KCNN3: variants seen among roughly 807,000 people sequenced by gnomAD.
The protein encoded by KCNN3 is small conductance calcium-activated potassium channel protein 3.
KCNN3 carries 16 observed loss-of-function variants against 62.9 expected under a neutral mutation model. That is an observed-to-expected ratio of 0.25 (90% confidence interval 0.17 to 0.39). The LOEUF (loss-of-function observed/expected upper bound fraction) is 0.39, where lower values mean the gene tolerates loss of function less well. KCNN3 is among the 10% of genes least tolerant of loss of function. The pLI, the probability that KCNN3 is intolerant of heterozygous loss-of-function variation, is 1.00. For synonymous variants in KCNN3, 370 were observed against 389.2 expected, an observed-to-expected ratio of 0.95 and a Z score of 0.58; for missense variants, 599 against 949.4, an observed-to-expected ratio of 0.63 and a Z score of 4.85.
At chr1:154,755,749 G>T (rs568984605) in intron 3 of KCNN3, among the ~76,000 whole-genome samples, 1 of 142,264 alleles carries the variant, frequency 7.0e-6, no homozygotes, top group East Asian at 2.2e-4. Flanking sequence ...AGGCAAAGAA[G>T]AAGAAGGAGG....
intron 3 of KCNN3, among the ~76,000 whole-genome samples, chr1:154,771,102 A>G (rs1648539972): frequency 6.8e-6 from 1 of 146,186 alleles, no homozygotes; most frequent in African/African-American, 2.6e-5. Context: ...TAAATAAATA[A>G]ATAAATAAAA....
At chr1:154,716,151 C>A (rs1282122227) in intron 5 of KCNN3, among the ~76,000 whole-genome samples, 1 of 152,232 alleles carries the variant, frequency 6.6e-6, no homozygotes, top group Non-Finnish European at 1.5e-5. Context: ...ACTGATATCA[C>A]CAGGCTCATG....
intron 1 of KCNN3, 76 bp downstream of exon 1, chr1:154,868,956 C>T (rs1653068186): frequency 4.0e-6 from 5 of 1,255,198 alleles, no homozygotes; most frequent in Non-Finnish European, 5.8e-6. Flanking sequence ...CTCTCACAAT[C>T]CCCCTCTCTC....
At chr1:154,728,190 G>C (rs372885548) in intron 4 of KCNN3, among the ~76,000 whole-genome samples, 1 of 152,134 alleles carries the variant, frequency 6.6e-6, no homozygotes, top group Admixed American at 6.5e-5. Flanking sequence ...ATTGCAGGGG[G>C]GGCTTTTAAT....
intron 1 of KCNN3, among the ~76,000 whole-genome samples, chr1:154,823,144 C>T (rs1363436285): frequency 2.0e-5 from 3 of 152,232 alleles, no homozygotes; most frequent in African/African-American, 7.2e-5. Context: ...TTATCATTTA[C>T]TTTGCATCCT....
intron 5 of KCNN3, among the ~76,000 whole-genome samples, chr1:154,721,113 T>C (rs1021120297): frequency 4.6e-5 from 7 of 152,122 alleles, no homozygotes; most frequent in South Asian, 4.1e-4. Context: ...GGTGAGCTAC[T>C]TGGGGCAAGA....
rs774420746 is a variant in KCNN3, at chr1:154,733,159, A to T, written c.1449-15T>A. The T allele has an allele frequency of 1.4e-5, 22 of 1,614,194 alleles. No homozygotes were observed. Among genetic ancestry groups the T allele is most frequent in the Non-Finnish European group, 1.8e-5 (21 of 1,180,006 alleles). ...GGTCATGGTACCTGCCAATGGGAAG[A>T]CAGGAGTTAGTCGATGAACAGCCAT... On this transcript the variant is annotated splice_polypyrimidine_tract_variant and intron_variant, in intron 3 of 7. Transcript: ENST00000271915.
At chr1:154,855,372 C>A (rs1264637758) in intron 1 of KCNN3, among the ~76,000 whole-genome samples, 1 of 152,216 alleles carries the variant, frequency 6.6e-6, no homozygotes, top group Non-Finnish European at 1.5e-5. Flanking sequence ...TAGGCCCTCA[C>A]ATTCACTCTC....
intron 5 of KCNN3, among the ~76,000 whole-genome samples, chr1:154,720,742 T>C (rs2101774314): frequency 6.6e-6 from 1 of 152,240 alleles, no homozygotes; most frequent in East Asian, 1.9e-4. Flanking sequence ...AGGAGATCCA[T>C]GGGGAAGCAG....
intron 2 of KCNN3, among the ~76,000 whole-genome samples, chr1:154,819,269 T>G (rs1650794623): frequency 6.6e-6 from 1 of 152,126 alleles, no homozygotes; most frequent in South Asian, 2.1e-4. Context: ...GGGGGCTAAG[T>G]AATAGATGAG....
At position 154,828,358 on chromosome 1, in the gene KCNN3, C is replaced by A. The variant is rs1291903606; in HGVS notation, c.934-6174G>T. The stretch of plus-strand genomic sequence containing the variant: ...AACACTCATTCCTTTTTTTTTTTTT[C>A]TTAGGAGTTTTCTTTTCCCAGGCAT... On this transcript the variant is annotated intron_variant, in intron 1 of 7. Transcript: ENST00000271915. Among the ~76,000 whole-genome samples, 2 of 144,464 alleles carry A rather than the reference C, an allele frequency of 1.4e-5. 1 individual carries two copies. Among genetic ancestry groups the A allele is most frequent in the Admixed American group, 1.4e-4 (2 of 14,580 alleles). The allele number at this position is 144,464 out of a possible 152,430, so 94.8% of individuals were successfully genotyped here.
chr1:154,862,681 A>G lies in KCNN3; in HGVS notation c.933+6351T>C, dbSNP rs1652812239. Among the ~76,000 whole-genome samples, 1 of 151,832 alleles carries G rather than the reference A, an allele frequency of 6.6e-6. No individual in the cohort carries two copies. Among genetic ancestry groups the G allele is most frequent in the African/African-American group, 2.4e-5 (1 of 41,326 alleles). On this transcript the variant is annotated intron_variant, in intron 1 of 7. Transcript: ENST00000271915. The surrounding 1 kb of genome is among the most constrained non-coding windows in gnomAD (Gnocchi z 4.1). ...AGAACTGACCTTGGGCCAGTCCACA[A>G]TCTCACCCTGATCCCAGGCCAACCT...
chr1:154,792,952 C>G (rs968800791), intron 2 of KCNN3, among the ~76,000 whole-genome samples: 1 of 152,122 alleles, frequency 6.6e-6, no homozygotes, highest in African/African-American at 2.4e-5. Context: ...ATTTCCCCAC[C>G]CTTTTCATTT....
chr1:154,745,501 C>T (rs916677880), intron 3 of KCNN3, among the ~76,000 whole-genome samples: 1 of 152,232 alleles, frequency 6.6e-6, no homozygotes, highest in African/African-American at 2.4e-5. Context: ...CTGGATGCAA[C>T]CTCTGCAGGC....
intron 3 of KCNN3, among the ~76,000 whole-genome samples, chr1:154,765,060 C>T (rs1337608151): frequency 1.3e-5 from 2 of 152,142 alleles, no homozygotes; most frequent in African/African-American, 4.8e-5. Flanking sequence ...TCTGGGATGC[C>T]TGTGTGCCTC....
At chr1:154,844,518 C>T (rs542412913) in intron 1 of KCNN3, among the ~76,000 whole-genome samples, 1 of 152,202 alleles carries the variant, frequency 6.6e-6, no homozygotes, top group Non-Finnish European at 1.5e-5. Flanking sequence ...TGGAGTAGTC[C>T]CCAGTGGGGC....
At chr1:154,859,782 G>A in intron 1 of KCNN3, 2 of 1,614,060 alleles carry the variant, frequency 1.2e-6, no homozygotes, top group Non-Finnish European at 1.7e-6. Context: ...GTATCAGCAA[G>A]CTCTAAGGAG....
At chr1:154,805,730 G>A (rs1471687598) in intron 2 of KCNN3, among the ~76,000 whole-genome samples, 2 of 152,136 alleles carry the variant, frequency 1.3e-5, no homozygotes, top group South Asian at 2.1e-4. Context: ...CTTACCGGCT[G>A]TGTGACTTTG....
chr1:154,731,857 G>C (rs774005178), intron 4 of KCNN3, among the ~76,000 whole-genome samples: 1 of 152,168 alleles, frequency 6.6e-6, no homozygotes, highest in South Asian at 2.1e-4. Context: ...CCCAGGCTTA[G>C]ATGTGCTTTC....
Sources: allele counts gnomAD v4.1 joint callset (sites outside exome capture counted in the v4.1 genomes callset), GRCh38; gene constraint gnomAD v4.1.1; non-coding constraint Gnocchi (gnomAD v3.1); transcripts MANE v1.5; gene names NCBI Gene and HGNC (gene_info 2026-07-23, HGNC 2026-07-21).